Variants in MAF observed in about 807,000 individuals in gnomAD.
The protein encoded by MAF is MAF bZIP transcription factor.
A neutral mutation model predicts 22.0 loss-of-function variants in MAF; 10 were observed. That is an observed-to-expected ratio of 0.45 (90% confidence interval 0.28 to 0.77). The LOEUF (loss-of-function observed/expected upper bound fraction) is 0.77. Among genes scored for constraint, MAF ranks in the 30% least tolerant of loss-of-function variants. The pLI is 0.12. For missense variants in MAF, 544 were observed against 548.4 expected (o/e 0.99, Z 0.08); for synonymous variants, 337 against 255.8 (o/e 1.32, Z -3.03).
chr16:79,445,155 C>A, the MAF span, among the ~76,000 whole-genome samples: 1 of 152,030 alleles, frequency 6.6e-6, no homozygotes, highest in Non-Finnish European at 1.5e-5. Flanking sequence ...TGCCTCAGCC[C>A]CCTGAGCAGC....
the MAF span, among the ~76,000 whole-genome samples, chr16:79,484,697 G>T: frequency 2.0e-5 from 3 of 152,206 alleles, no homozygotes; most frequent in Admixed American, 2.0e-4. Context: ...AAAGGGCCAG[G>T]GTGGGAGCTG....
chr16:79,377,559 T>C, the MAF span, among the ~76,000 whole-genome samples: 55 of 152,362 alleles, frequency 3.6e-4, no homozygotes, highest in Middle Eastern at 3.4e-3. Context: ...ATTTTGGCTT[T>C]TGTTGCCGTT....
the MAF span, among the ~76,000 whole-genome samples, chr16:79,331,027 C>A: frequency 6.6e-6 from 1 of 152,194 alleles, no homozygotes; most frequent in African/African-American, 2.4e-5. Context: ...AAAAATGAAC[C>A]TCTGGGCTCA....
the MAF span, among the ~76,000 whole-genome samples, chr16:79,553,418 C>T: frequency 1.3e-5 from 2 of 152,340 alleles, no homozygotes; most frequent in South Asian, 4.1e-4. Flanking sequence ...GCTCCTGGAA[C>T]CTTATGCCTC....
the MAF span, among the ~76,000 whole-genome samples, chr16:79,452,542 C>CT: frequency 3.8e-4 from 58 of 152,194 alleles, no homozygotes; most frequent in Middle Eastern, 3.4e-3. Flanking sequence ...TATAAGATGA[C>CT]TTTTTTTCAG....
At chr16:79,583,060 T>C (rs74037380), downstream of MAF, among the ~76,000 whole-genome samples, 4 of 152,146 alleles carry the variant, frequency 2.6e-5, no homozygotes, top group African/African-American at 9.7e-5. Context: ...TTATGGCTTC[T>C]TTACTTTTAC....
At chr16:79,313,500 C>T in the MAF span, among the ~76,000 whole-genome samples, 1 of 152,180 alleles carries the variant, frequency 6.6e-6, no homozygotes, top group Non-Finnish European at 1.5e-5. Flanking sequence ...GGACTGTTCC[C>T]ATCACCCAAA....
the MAF span, among the ~76,000 whole-genome samples, chr16:79,546,444 T>C: frequency 2.0e-5 from 3 of 152,306 alleles, no homozygotes; most frequent in South Asian, 6.2e-4. Context: ...TTTTGACAAT[T>C]TTGAAAATGT....
chr16:79,362,112 C>G, the MAF span, among the ~76,000 whole-genome samples: 1 of 152,118 alleles, frequency 6.6e-6, no homozygotes, highest in South Asian at 2.1e-4. Context: ...GCCTCAGTTT[C>G]CTTAATCTTC....
At chr16:79,389,031 A>T in the MAF span, among the ~76,000 whole-genome samples, 2 of 152,228 alleles carry the variant, frequency 1.3e-5, no homozygotes, top group African/African-American at 2.4e-5. Flanking sequence ...TATTTCAGAA[A>T]CAATAATTCA....
chr16:79,232,632 G>C, the MAF span, among the ~76,000 whole-genome samples: 1 of 151,966 alleles, frequency 6.6e-6, no homozygotes, highest in Non-Finnish European at 1.5e-5. Context: ...AGTGTGTGAA[G>C]TTTGGTTAGA....
the MAF span, among the ~76,000 whole-genome samples, chr16:79,245,334 T>TA: frequency 6.6e-6 from 1 of 151,990 alleles, no homozygotes; most frequent in Non-Finnish European, 1.5e-5. Context: ...AAAGGGCTAA[T>TA]ACCTGGAATC....
the MAF span, among the ~76,000 whole-genome samples, chr16:79,573,292 G>A: frequency 0.49 from 75,257 of 152,110 alleles, 19,529 homozygotes; most frequent in South Asian, 0.59. Flanking sequence ...CAAACTTACC[G>A]AGCCTTTGCT....
chr16:79,596,110 A>G (rs1390510133), intron 1 of MAF: 30 of 1,062,396 alleles, frequency 2.8e-5, no homozygotes, highest in South Asian at 4.6e-5. Flanking sequence ...CTGATGCGCC[A>G]TATTTGTCCG....
chr16:79,448,002 T>G, the MAF span, among the ~76,000 whole-genome samples: 1 of 152,078 alleles, frequency 6.6e-6, no homozygotes, highest in African/African-American at 2.4e-5. Context: ...TTGCTGCTTA[T>G]GGAAGAAAAA....
rs533140349 is a variant in MAF, at chr16:79,599,569, C to T, written c.334G>A (p.Asp112Asn). Residue 112 changes from aspartate to asparagine, a missense_variant, in exon 1 of 2, where the codon GAC (aspartate) becomes AAC (asparagine). Coordinates refer to ENST00000326043, the MANE Select transcript of MAF (RefSeq NM_005360.5). Reference sequence around the variant, plus strand: ...TTGCTGATGAGCGCCTCGACCGCGTCCTCGGGGCTGAAGCCCAGCGCCTCG... The same window carrying T: ...TTGCTGATGAGCGCCTCGACCGCGTTCTCGGGGCTGAAGCCCAGCGCCTCG... The part of the protein sequence containing the change: ...NPEALGFSPE[D>N]AVEALISNSH... 1.9e-6 allele frequency: 3 copies of T among 1,597,874 alleles called. No individual in the cohort carries two copies. Among genetic ancestry groups the T allele is most frequent in the East Asian group, 2.3e-5 (1 of 44,290 alleles).
At chr16:79,540,468 C>T in the MAF span, among the ~76,000 whole-genome samples, 1 of 152,106 alleles carries the variant, frequency 6.6e-6, no homozygotes, top group African/African-American at 2.4e-5. Context: ...ATCCACGCAC[C>T]AAAAGACTCA....
chr16:79,481,339 T>A, the MAF span, among the ~76,000 whole-genome samples: 2 of 152,100 alleles, frequency 1.3e-5, no homozygotes, highest in Non-Finnish European at 2.9e-5. Flanking sequence ...TTTATAGAGT[T>A]GTGCGACCAT....
chr16:79,205,935 T>G, the MAF span: 1 of 152,166 alleles, frequency 6.6e-6, no homozygotes, highest in Admixed American at 6.5e-5. Flanking sequence ...ATGTCGGTGC[T>G]TTGAAAAAAT....
Sources: gnomAD v4.1 joint callset for allele counts (sites outside exome capture counted in the v4.1 genomes callset) on GRCh38, gnomAD v4.1.1 for gene constraint, MANE v1.5 for transcripts, NCBI Gene and HGNC (gene_info 2026-07-23, HGNC 2026-07-21) for gene names.